Variants in LOC400499 observed in about 807,000 individuals in gnomAD.
the LOC400499 span, chr16:11,469,339 T>C: frequency 2.5e-6 from 1 of 399,146 alleles, no homozygotes; most frequent in East Asian, 3.6e-5. Context: ...CTGCCTGCCC[T>C]TTCTTTAATC....
the LOC400499 span, among the ~76,000 whole-genome samples, chr16:11,498,537 A>G: frequency 1.3e-5 from 2 of 152,016 alleles, no homozygotes; most frequent in African/African-American, 4.8e-5. Flanking sequence ...TCCGAAATTA[A>G]AAGTTCATTA....
the LOC400499 span, among the ~76,000 whole-genome samples, chr16:11,444,892 G>C: frequency 6.6e-6 from 1 of 151,946 alleles, no homozygotes; most frequent in African/African-American, 2.4e-5. Context: ...GACCAGCCTG[G>C]GCAATATAGC....
chr16:11,430,140 C>G, the LOC400499 span, among the ~76,000 whole-genome samples: 1 of 152,294 alleles, frequency 6.6e-6, no homozygotes, highest in East Asian at 1.9e-4. Flanking sequence ...GGAAGTGTCA[C>G]TCAAACCCAG....
At chr16:11,416,870 G>C in the LOC400499 span, among the ~76,000 whole-genome samples, 1 of 152,172 alleles carries the variant, frequency 6.6e-6, no homozygotes, top group African/African-American at 2.4e-5. Context: ...TAGGGCTGGG[G>C]GCTGGGAGAT....
chr16:11,396,355 G>T, the LOC400499 span: 1 of 706,620 alleles, frequency 1.4e-6, no homozygotes, highest in Non-Finnish European at 2.0e-6. Context: ...CCAGAATGAA[G>T]CTCTGGCCCC....
the LOC400499 span, chr16:11,407,313 G>C: frequency 5.0e-6 from 2 of 397,610 alleles, no homozygotes; most frequent in Admixed American, 4.4e-5. Flanking sequence ...AACATGCTCT[G>C]AACCTCACCC....
the LOC400499 span, chr16:11,402,333 T>C: frequency 5.1e-6 from 2 of 395,230 alleles, no homozygotes; most frequent in Non-Finnish European, 8.9e-6. Flanking sequence ...ACACTCGCTT[T>C]GTCACCATTA....
the LOC400499 span, among the ~76,000 whole-genome samples, chr16:11,510,253 C>G: frequency 1.3e-5 from 2 of 151,832 alleles, no homozygotes; most frequent in East Asian, 3.9e-4. Flanking sequence ...CCAACACCAT[C>G]TGGCTGCCTG....
chr16:11,424,084 C>T, the LOC400499 span: 9 of 399,228 alleles, frequency 2.3e-5, no homozygotes, highest in Middle Eastern at 6.2e-4. Context: ...CGAGAGGGCC[C>T]GGGTGCAGCC....
chr16:11,373,545 G>A, the LOC400499 span, among the ~76,000 whole-genome samples: 2 of 151,954 alleles, frequency 1.3e-5, no homozygotes, highest in South Asian at 2.1e-4. Flanking sequence ...GGCTGGTCTC[G>A]AACTTTTGAC....
At chr16:11,460,494 G>A in the LOC400499 span, 2 of 1,530,250 alleles carry the variant, frequency 1.3e-6, no homozygotes, top group Non-Finnish European at 8.8e-7. Context: ...CTGAAGGCTA[G>A]GATCTGTGTG....
At chr16:11,494,348 TGGGGGGCAGTGGTGTGG>T in the LOC400499 span, among the ~76,000 whole-genome samples, 35 of 78,376 alleles carry the variant, frequency 4.5e-4, no homozygotes, top group African/African-American at 1.6e-3. Flanking sequence ...TCAGTGGTGT[TGGGGGGCAGTGGTGTGG>T]GGGGGGCAGT....
the LOC400499 span, chr16:11,411,312 G>C: frequency 2.1e-3 from 836 of 399,444 alleles, 3 homozygotes; most frequent in South Asian, 1.7e-3. Context: ...GCCGGCCTGA[G>C]AACAGCAGCT....
At chr16:11,502,866 G>A in the LOC400499 span, among the ~76,000 whole-genome samples, 6 of 148,054 alleles carry the variant, frequency 4.1e-5, no homozygotes, top group African/African-American at 1.2e-4. Flanking sequence ...TGCCCGCCTC[G>A]GCCTTCCAAA....
At chr16:11,383,664 G>C in the LOC400499 span, 9 of 1,232,190 alleles carry the variant, frequency 7.3e-6, no homozygotes, top group Admixed American at 3.4e-4. Context: ...GAGGGGCCAG[G>C]GGTACGAATC....
chr16:11,504,022 G>A, the LOC400499 span, among the ~76,000 whole-genome samples: 1 of 152,172 alleles, frequency 6.6e-6, no homozygotes, highest in African/African-American at 2.4e-5. Context: ...CGGAAGACGT[G>A]TGCAGATGGG....
the LOC400499 span, among the ~76,000 whole-genome samples, chr16:11,527,396 G>A: frequency 6.6e-6 from 1 of 152,082 alleles, no homozygotes; most frequent in South Asian, 2.1e-4. Flanking sequence ...GAGGAGGGGA[G>A]GGGGCTCCTG....
At chr16:11,464,290 T>C in the LOC400499 span, among the ~76,000 whole-genome samples, 5 of 152,384 alleles carry the variant, frequency 3.3e-5, no homozygotes, top group Admixed American at 2.0e-4. Context: ...CTTTTCCTGC[T>C]GGCAGGCACA....
At chr16:11,509,181 G>A in the LOC400499 span, among the ~76,000 whole-genome samples, 2 of 147,900 alleles carry the variant, frequency 1.4e-5, no homozygotes, top group Non-Finnish European at 3.0e-5. Flanking sequence ...GCAGTGGCGC[G>A]ATCTCGGCTC....
Sources: allele counts gnomAD v4.1 joint callset (sites outside exome capture counted in the v4.1 genomes callset), GRCh38; gene constraint gnomAD v4.1.1; transcripts MANE v1.5.